Variants in MYO15B observed in about 807,000 individuals in gnomAD.
The protein encoded by MYO15B is myosin XVB, also known as myosin XVB pseudogene.
Under a neutral mutation model 119.3 loss-of-function variants are expected in MYO15B, and 207 were observed. The observed-to-expected ratio is 1.73, with a 90% CI of 1.55 to 1.95. MYO15B has a LOEUF of 1.95. Ranked by LOEUF, MYO15B falls within the 30% of genes most tolerant of loss-of-function variation. The pLI is 0.00. For synonymous variants in MYO15B, 966 were observed against 498.9 expected, an observed-to-expected ratio of 1.94 and a Z score of -12.48; for missense variants, 2,264 against 1,203.1, an observed-to-expected ratio of 1.88 and a Z score of -13.04.
At position 75,591,548 on chromosome 17, in the gene MYO15B, G is replaced by A. The variant is rs961818802; in HGVS notation, c.2436-53G>A. The A allele has an allele frequency of 1.0e-5, 7 of 701,554 alleles. No homozygotes were observed. In the African/African-American group the frequency reaches 1.2e-4, roughly 12 times the overall value. The allele number at this position is 701,554 out of a possible 1,614,324, so 43.5% of individuals were successfully genotyped here. On this transcript the variant is annotated intron_variant, in intron 4 of 63. Coordinates refer to ENST00000645453, the Ensembl canonical transcript of MYO15B. ...CACATCCCACTTCCTGGGTTCACTG[G>A]GGTGGTCCTATGTGCCCCTCCCTGG...
At chr17:75,604,734 C>T (rs1483263381) in intron 19 of MYO15B, among the ~76,000 whole-genome samples, 1 of 151,946 alleles carries the variant, frequency 6.6e-6, no homozygotes, top group Non-Finnish European at 1.5e-5. Context: ...CCCAAGTTCA[C>T]TGCAGTGTCT....
At chr17:75,605,958 C>A in exon 21 of MYO15B, 1 of 702,748 alleles carries the variant, frequency 1.4e-6, no homozygotes, top group East Asian at 2.7e-5. Context: ...AGCTTCCACA[C>A]CTGCATCTCC....
At chr17:75,626,603 G>A in exon 64 of MYO15B, 2 of 651,722 alleles carry the variant, frequency 3.1e-6, no homozygotes, top group Non-Finnish European at 5.6e-6. Flanking sequence ...GCACAGCCCA[G>A]CCGGCCCACA....
intron 9 of MYO15B, 100 bp downstream of exon 9, chr17:75,592,940 T>A: frequency 1.6e-6 from 1 of 619,436 alleles, no homozygotes; most frequent in Non-Finnish European, 2.9e-6. Flanking sequence ...GACTACAGAG[T>A]GCTGGGCTGC....
chr17:75,607,428 A>AT (rs538434766), intron 21 of MYO15B, among the ~76,000 whole-genome samples: 4 of 92,796 alleles, frequency 4.3e-5, no homozygotes, highest in African/African-American at 1.5e-4. Flanking sequence ...AGGGTTAATA[A>AT]TTAATTATTA....
At chr17:75,615,218 C>T in intron 33 of MYO15B, 22 bp from the exon 34 acceptor site, 1 of 697,224 alleles carries the variant, frequency 1.4e-6, no homozygotes, top group Non-Finnish European at 2.6e-6. Context: ...CAGGGACTGA[C>T]AGGGAGGGCG....
In MYO15B at chr17:75,624,165, T is replaced by TTCTC; in HGVS notation, c.8273-8_8273-5dup. The stretch of plus-strand genomic sequence containing the variant: ...GGCCATCTCATAACCCCAGGCTGGC[T>TTCTC]TCTCTGCAGAGCTGGCCCGGAGCAG... On this transcript the variant is annotated splice_polypyrimidine_tract_variant and intron_variant, in intron 55 of 63. Coordinates refer to ENST00000645453, the Ensembl canonical transcript of MYO15B. 1 of 702,856 alleles carries TTCTC rather than the reference T, an allele frequency of 1.4e-6. No individual in the cohort carries two copies. Among genetic ancestry groups the TTCTC allele is most frequent in the Middle Eastern group, 2.3e-4 (1 of 4,370 alleles). 43.5% of individuals were successfully genotyped at this position (702,856 alleles called of 1,614,324 possible).
At chr17:75,595,366 G>A (rs1373821523) in intron 12 of MYO15B, among the ~76,000 whole-genome samples, 1 of 152,148 alleles carries the variant, frequency 6.6e-6, no homozygotes, top group Admixed American at 6.5e-5. Flanking sequence ...TCTCTGGGAT[G>A]GCTGGAGCCC....
At chr17:75,625,459 C>T (rs2058985992) in intron 60 of MYO15B, 68 bp from the exon 61 acceptor site, 1 of 693,538 alleles carries the variant, frequency 1.4e-6, no homozygotes. Context: ...GGTTATTTGG[C>T]ACGTGCTGTA....
At chr17:75,602,460 G>T (rs2057346674) in intron 15 of MYO15B, 57 bp from the exon 16 acceptor site, 1 of 702,848 alleles carries the variant, frequency 1.4e-6, no homozygotes, top group Non-Finnish European at 2.6e-6. Flanking sequence ...TCCCCTCCTT[G>T]GTTCCTGTTC....
intron 15 of MYO15B, among the ~76,000 whole-genome samples, chr17:75,602,038 G>A (rs560175886): frequency 6.6e-6 from 1 of 152,248 alleles, no homozygotes; most frequent in East Asian, 1.9e-4. Context: ...TACCCCAGGA[G>A]GAGAGGAACT....
At position 75,616,216 on chromosome 17, in the gene MYO15B, G is replaced by T; in HGVS notation, c.6109+69G>T. ...GTGCCCCTGGCCCGGGCCAGGGAGG[G>T]TGGGGTGTGCTCTGCTCCCCGGAGT... is the stretch of plus-strand genomic sequence containing the variant. On this transcript the variant is annotated intron_variant, in intron 37 of 63. Transcript: ENST00000645453. 5.2e-6 allele frequency: 3 copies of T among 577,090 alleles called. No individual in the cohort carries two copies. The South Asian group carries it at 6.8e-5, about 13-fold the overall frequency. The allele number at this position is 577,090 out of a possible 1,614,324, so 35.7% of individuals were successfully genotyped here. A position where few individuals can be genotyped will look rare whatever the true frequency, so the allele number is the denominator to read the frequency against.
At chr17:75,617,016 A>C in intron 40 of MYO15B, 55 bp downstream of exon 40, 1 of 698,056 alleles carries the variant, frequency 1.4e-6, no homozygotes. Flanking sequence ...TGGGGAGCTC[A>C]AGGCTCTCTG....
rs35859106 is a variant in MYO15B at position 75,605,436 on chromosome 17, T to TAAA, written c.4017-54_4017-52dup. The TAAA allele has an allele frequency of 9.3e-3, 5,144 of 552,994 alleles. 4 individuals carry two copies. The highest frequency in any genetic ancestry group is 0.015 in the Middle Eastern group (31 of 2,072). The allele number at this position is 552,994 out of a possible 1,614,324, so 34.3% of individuals were successfully genotyped here. On this transcript the variant is annotated intron_variant, in intron 19 of 63. Transcript: ENST00000645453. ...TGGGCAAAAGAGCGAGACTCCGTCTTAAAAAAAAAAAAAAAAGTGTAAAAG... is the reference window on the plus strand; with the variant it reads ...TGGGCAAAAGAGCGAGACTCCGTCTTAAAAAAAAAAAAAAAAAAAGTGTAAAAG...
intron 56 of MYO15B, 29 bp downstream of exon 56, chr17:75,624,298 G>A (rs987220091): frequency 3.7e-5 from 26 of 702,754 alleles, no homozygotes; most frequent in Non-Finnish European, 6.2e-5. Flanking sequence ...GGGCATTGTG[G>A]GACACCCTGG....
intron 29 of MYO15B, 198 bp downstream of exon 29, chr17:75,613,975 C>T (rs2058196888): frequency 1.7e-6 from 1 of 598,446 alleles, no homozygotes; most frequent in African/African-American, 1.9e-5. Flanking sequence ...GATTCTAACT[C>T]AGCAGGTCAG....
intron 14 of MYO15B, among the ~76,000 whole-genome samples, chr17:75,597,307 C>G (rs995794254): frequency 2.0e-5 from 3 of 152,220 alleles, no homozygotes; most frequent in African/African-American, 7.2e-5. Context: ...ACCATGTCCC[C>G]CATTCCACAA....
At position 75,612,034 on chromosome 17, in the gene MYO15B, A is replaced by G; in HGVS notation, c.4635+18A>G. 2 of 702,630 alleles carry G rather than the reference A, an allele frequency of 2.8e-6. No homozygotes were observed. The highest frequency in any genetic ancestry group is 5.2e-6 in the Non-Finnish European group (2 of 384,818). 43.5% of individuals were successfully genotyped at this position (702,630 alleles called of 1,614,324 possible). A position where few individuals can be genotyped will look rare whatever the true frequency, so the allele number is the denominator to read the frequency against. ...GCTTTCAGGTGGGCGCCCAGGCCTA[A>G]GCTCTTCCCGCTGGCCTCACCGCTC... On this transcript the variant is annotated intron_variant, in intron 25 of 63. Coordinates refer to ENST00000645453, the Ensembl canonical transcript of MYO15B.
chr17:75,625,564 C>T (rs747503554), exon 61 of MYO15B: 7 of 702,938 alleles, frequency 1.0e-5, no homozygotes, highest in South Asian at 1.5e-5. Context: ...GCAGCTGCAA[C>T]GGCAGGTGAA....
Sources: allele counts gnomAD v4.1 joint callset (sites outside exome capture counted in the v4.1 genomes callset), GRCh38; gene constraint gnomAD v4.1.1; transcripts MANE v1.5; gene names NCBI Gene and HGNC (gene_info 2026-07-23, HGNC 2026-07-21).